TRPC1: variants seen among roughly 807,000 people sequenced by gnomAD.
The protein encoded by TRPC1 is short transient receptor potential channel 1.
TRPC1 carries 42 observed loss-of-function variants against 88.2 expected under a neutral mutation model. That is an observed-to-expected ratio of 0.48 (90% confidence interval 0.37 to 0.62). TRPC1 has a LOEUF of 0.62. TRPC1 is among the 20% of genes least tolerant of loss of function. The probability of loss-of-function intolerance (pLI) is 0.00; values close to 1 mark genes in which losing one functional copy is unlikely to be tolerated. For synonymous variants in TRPC1, 288 were observed against 331.8 expected, an observed-to-expected ratio of 0.87 and a Z score of 1.43; for missense variants, 699 against 957.3, an observed-to-expected ratio of 0.73 and a Z score of 3.56.
At position 142,806,635 on chromosome 3, in the gene TRPC1, T is replaced by TTATG. The variant is rs1374339958; in HGVS notation, c.*402_*405dup. On this transcript the variant is annotated 3_prime_UTR_variant, in exon 13 of 13. Transcript: ENST00000476941. The stretch of plus-strand genomic sequence containing the variant: ...ACAGGATACACTTGAAATATAGAAG[T>TTATG]TATGTTTTAAATATCTCTGTTTTAG... 6.5e-6 allele frequency: 1 copy of TTATG among 154,560 alleles called. No individual in the cohort carries two copies. The highest frequency in any genetic ancestry group is 2.4e-5 in the African/African-American group (1 of 41,464). The allele number at this position is 154,560 out of a possible 1,614,324, so 9.6% of individuals were successfully genotyped here.
chr3:142,746,672 G>A (rs749574678), intron 3 of TRPC1, among the ~76,000 whole-genome samples: 5 of 152,070 alleles, frequency 3.3e-5, no homozygotes, highest in African/African-American at 9.7e-5. Context: ...TGCCTAAGAC[G>A]GGTGAGTAAA....
At chr3:142,765,387 AAGTC>A (rs1162553846) in intron 4 of TRPC1, among the ~76,000 whole-genome samples, 1 of 152,214 alleles carries the variant, frequency 6.6e-6, no homozygotes, top group East Asian at 1.9e-4. Context: ...AAAAAGAACA[AAGTC>A]AGAGTCATCA....
chr3:142,769,031 G>T (rs1462703790), intron 4 of TRPC1, among the ~76,000 whole-genome samples: 1 of 151,884 alleles, frequency 6.6e-6, no homozygotes, highest in Non-Finnish European at 1.5e-5. Context: ...GTGGATTCCA[G>T]TTACCGTTTC....
intron 4 of TRPC1, among the ~76,000 whole-genome samples, chr3:142,768,756 G>C (rs1935480422): frequency 6.6e-6 from 1 of 151,700 alleles, no homozygotes; most frequent in African/African-American, 2.4e-5. Context: ...TTTTCTTTTA[G>C]AGATAATAGT....
chr3:142,752,964 C>G (rs1244286774), intron 4 of TRPC1, among the ~76,000 whole-genome samples: 3 of 152,200 alleles, frequency 2.0e-5, no homozygotes, highest in African/African-American at 4.8e-5. Context: ...TTAACAACAT[C>G]TCAGCAAAGC....
At chr3:142,804,729 T>C in intron 12 of TRPC1, 99 bp downstream of exon 12, 2 of 1,137,970 alleles carry the variant, frequency 1.8e-6, no homozygotes, top group South Asian at 1.7e-5. Context: ...CTAAGGGCTG[T>C]GACTGTCTGA....
chr3:142,728,317 G>GTT (rs1933761017), intron 1 of TRPC1, among the ~76,000 whole-genome samples: 1 of 148,988 alleles, frequency 6.7e-6, no homozygotes, highest in Admixed American at 6.7e-5. Flanking sequence ...AAGGAAAAAT[G>GTT]TTTTGATGAC....
At chr3:142,770,660 C>G (rs754694618) in intron 4 of TRPC1, among the ~76,000 whole-genome samples, 3 of 152,104 alleles carry the variant, frequency 2.0e-5, no homozygotes, top group Non-Finnish European at 2.9e-5. Context: ...TTAAGCTGTT[C>G]ACATTTAATG....
At chr3:142,771,747 C>T (rs1320685701) in intron 4 of TRPC1, among the ~76,000 whole-genome samples, 1 of 152,040 alleles carries the variant, frequency 6.6e-6, no homozygotes, top group Non-Finnish European at 1.5e-5. Context: ...ATGTTATAGG[C>T]CAAACATTAC....
At position 142,724,392 on chromosome 3, in the gene TRPC1, T is replaced by G; in HGVS notation, c.-168T>G. 1 of 541,246 alleles carries G rather than the reference T, an allele frequency of 1.8e-6. No homozygotes were observed. Among genetic ancestry groups the G allele is most frequent in the Admixed American group, 4.0e-5 (1 of 24,826 alleles). The allele number at this position is 541,246 out of a possible 1,614,324, so 33.5% of individuals were successfully genotyped here. On this transcript the variant is annotated 5_prime_UTR_variant, in exon 1 of 13. Transcript: ENST00000476941. This position sits in a 1 kb window ranked among gnomAD's most constrained non-coding sequence, Gnocchi z 5.6. ...GCTGTCAGTGGAGGGCGAGTGCTGG[T>G]TCTCAGGGGAGGCGACGCCCTTCGG...
At chr3:142,751,933 C>T (rs79378125) in intron 4 of TRPC1, among the ~76,000 whole-genome samples, 2,182 of 152,236 alleles carry the variant, frequency 0.014, 58 homozygotes, top group African/African-American at 0.05. Context: ...TGGTTGATAG[C>T]GATGGCTACA....
chr3:142,738,066 A>G (rs1049484299), intron 2 of TRPC1, among the ~76,000 whole-genome samples: 3 of 152,228 alleles, frequency 2.0e-5, no homozygotes, highest in African/African-American at 7.2e-5. Context: ...GTTTTGCAGT[A>G]TACATGGTGC....
At chr3:142,788,294 C>T (rs1936192519) in intron 7 of TRPC1, among the ~76,000 whole-genome samples, 1 of 151,758 alleles carries the variant, frequency 6.6e-6, no homozygotes, top group African/African-American at 2.4e-5. Flanking sequence ...GCTGATGGCA[C>T]CTTGGACTTA....
At chr3:142,799,688 T>C (rs1936558387) in intron 9 of TRPC1, among the ~76,000 whole-genome samples, 1 of 152,126 alleles carries the variant, frequency 6.6e-6, no homozygotes, top group South Asian at 2.1e-4. Flanking sequence ...GTGCCTAGTT[T>C]CTCATGAGGC....
chr3:142,758,996 G>C (rs1185504232), intron 4 of TRPC1, among the ~76,000 whole-genome samples: 3 of 152,112 alleles, frequency 2.0e-5, no homozygotes, highest in Non-Finnish European at 4.4e-5. Context: ...CCCTACAAAG[G>C]ACATGAACTC....
intron 1 of TRPC1, among the ~76,000 whole-genome samples, chr3:142,731,803 G>C (rs1405276283): frequency 2.0e-5 from 3 of 152,110 alleles, no homozygotes; most frequent in Non-Finnish European, 4.4e-5. Flanking sequence ...TGTTCTGTGA[G>C]GTCTTGGAGC....
rs1936724568 is a variant in TRPC1 at position 142,804,540 on chromosome 3, A to G, written c.2064A>G (p.Pro688=). 1.2e-6 allele frequency: 2 copies of G among 1,613,802 alleles called. No individual in the cohort carries two copies. The highest frequency in any genetic ancestry group is 1.7e-6 in the Non-Finnish European group (2 of 1,179,846). The change falls in exon 12 of 13, where the codon CCA becomes CCG. Residue 688 remains proline (P), a synonymous_variant. Coordinates refer to ENST00000476941, the MANE Select transcript of TRPC1 (RefSeq NM_001251845.2). ...CACCTTTCAACATCATTCCCTCACC[A>G]AAGACTATCTGCTATATGATTAGTA... The part of the protein sequence containing the change: ...LPPPFNIIPS[P]KTICYMISSL...
chr3:142,756,146 T>A (rs1413228698), intron 4 of TRPC1, among the ~76,000 whole-genome samples: 1 of 152,206 alleles, frequency 6.6e-6, no homozygotes, highest in Non-Finnish European at 1.5e-5. Context: ...CACCTTTTAT[T>A]TATCTGTTCA....
Position 142,724,602 on chromosome 3 carries a change from T to C in TRPC1, c.43T>C (p.Ser15Pro). 1 of 1,594,416 alleles carries C rather than the reference T, an allele frequency of 6.3e-7. No individual in the cohort carries two copies. Among genetic ancestry groups the C allele is most frequent in the Non-Finnish European group, 8.5e-7 (1 of 1,169,824 alleles). ...LYPSTDLSGA[S>P]SSSLPSSPSS... is the part of the protein sequence containing the mutation. ...CCCGAGCACGGACCTCTCGGGCGCC[T>C]CCTCCTCCTCCCTGCCTTCCTCTCC... Residue 15 changes from serine to proline, a missense_variant, in exon 1 of 13, where the codon TCC (serine) becomes CCC (proline). Physicochemically the swap from Ser to Pro is moderately conservative, Grantham distance 74 (BLOSUM62 -1). Around this residue, in one of 4 missense-constraint regions of TRPC1, gnomAD observed 157 missense variants for 127.0 expected, o/e 1.24. Coordinates refer to ENST00000476941, the MANE Select transcript of TRPC1 (RefSeq NM_001251845.2). This position sits in a 1 kb window ranked among gnomAD's most constrained non-coding sequence, Gnocchi z 5.6.
Sources: gnomAD v4.1 joint callset for allele counts (sites outside exome capture counted in the v4.1 genomes callset) on GRCh38, gnomAD v4.1.1 for gene constraint, gnomAD v4.1.1 regional missense constraint, Gnocchi (gnomAD v3.1) non-coding constraint, MANE v1.5 for transcripts, NCBI Gene and HGNC (gene_info 2026-07-23, HGNC 2026-07-21) for gene names.